ROBO2: variants seen among roughly 807,000 people sequenced by gnomAD.
The protein encoded by ROBO2 is roundabout guidance receptor 2, also known as roundabout homolog 2.
Under a neutral mutation model 160.8 loss-of-function variants are expected in ROBO2, and 53 were observed. The observed-to-expected ratio is 0.33, with a 90% CI of 0.26 to 0.41. The LOEUF is 0.41. Ranked by LOEUF, ROBO2 falls within the 10% of genes least tolerant of loss-of-function variation. The pLI, the probability that ROBO2 is intolerant of heterozygous loss-of-function variation, is 1.00. For synonymous variants in ROBO2, 664 were observed against 611.7 expected (o/e 1.09, Z -1.26); for missense variants, 1,577 against 1,722.4 (o/e 0.92, Z 1.49).
chr3:77,328,695 C>G (rs997017835), intron 2 of ROBO2, among the ~76,000 whole-genome samples: 25 of 151,880 alleles, frequency 1.6e-4, no homozygotes, highest in African/African-American at 5.8e-4. Context: ...TTGCATTGCC[C>G]CTGTTAATGT....
intron 2 of ROBO2, among the ~76,000 whole-genome samples, chr3:76,506,685 C>A (rs1007927349): frequency 6.6e-6 from 1 of 152,054 alleles, no homozygotes; most frequent in Non-Finnish European, 1.5e-5. Flanking sequence ...CAAGATGGTG[C>A]TTATGATATT....
At chr3:77,646,089 G>T (rs199502537) in exon 26 of ROBO2, 1 of 1,570,862 alleles carries the variant, frequency 6.4e-7, no homozygotes, top group African/African-American at 1.4e-5. Context: ...CTGCTCTGAA[G>T]GACCATCAGG....
At chr3:76,835,943 C>A (rs1202325226) in intron 2 of ROBO2, among the ~76,000 whole-genome samples, 1 of 151,966 alleles carries the variant, frequency 6.6e-6, no homozygotes, top group Non-Finnish European at 1.5e-5. Context: ...AATTTGGTAC[C>A]AATGAGACTA....
intron 2 of ROBO2, among the ~76,000 whole-genome samples, chr3:76,938,532 T>TCC (rs371318524): frequency 9.9e-5 from 15 of 151,722 alleles, no homozygotes; most frequent in African/African-American, 2.4e-4. Context: ...TCTCTCTCTC[T>TCC]GAGCTTTTCC....
rs1282620623 is a variant in ROBO2, at chr3:76,448,096, AG to A, written c.109+510495del. Among the ~76,000 whole-genome samples the A allele has an allele frequency of 1.4e-3, 216 of 152,124 alleles. 1 individual carries two copies. Among genetic ancestry groups the A allele is most frequent in the African/African-American group, 4.9e-3 (205 of 41,522 alleles). On this transcript the variant is annotated intron_variant, in intron 2 of 26. Coordinates refer to the ROBO2 transcript ENST00000487694. ...TAAATAAATGAAATAAAACAAAAAA[AG>A]AAAAAACAAACAAACAAAAATATTC... is the stretch of plus-strand genomic sequence containing the variant.
chr3:76,053,664 CAT>C (rs140803026), intron 2 of ROBO2, among the ~76,000 whole-genome samples: 1 of 152,090 alleles, frequency 6.6e-6, no homozygotes, highest in East Asian at 1.9e-4. Flanking sequence ...AATAAAATAT[CAT>C]GTGCTGCTTT....
At chr3:76,150,470 C>T (rs1331639774) in intron 2 of ROBO2, among the ~76,000 whole-genome samples, 2 of 152,158 alleles carry the variant, frequency 1.3e-5, no homozygotes, top group African/African-American at 4.8e-5. Context: ...CTAAAACACA[C>T]ATATGTCTAA....
chr3:76,174,381 G>A (rs1467477127), intron 2 of ROBO2, among the ~76,000 whole-genome samples: 1 of 152,132 alleles, frequency 6.6e-6, no homozygotes, highest in East Asian at 1.9e-4. Context: ...GATCCCATTT[G>A]TCAATTTTGT....
intron 2 of ROBO2, among the ~76,000 whole-genome samples, chr3:76,960,628 C>G (rs1027525421): frequency 6.6e-6 from 1 of 151,962 alleles, no homozygotes; most frequent in African/African-American, 2.4e-5. Flanking sequence ...AACCTCACAC[C>G]AAACTGAAGT....
chr3:76,658,295 T>C (rs1224599437), intron 2 of ROBO2, among the ~76,000 whole-genome samples: 2 of 151,994 alleles, frequency 1.3e-5, no homozygotes. Context: ...TAGTCTTATA[T>C]AAAATATGAT....
chr3:77,313,847 G>C (rs1178845146), intron 2 of ROBO2, among the ~76,000 whole-genome samples: 1 of 152,178 alleles, frequency 6.6e-6, no homozygotes, highest in African/African-American at 2.4e-5. Context: ...GCCTCCCAAA[G>C]TGCTGGGATT....
chr3:77,472,786 A>G (rs533820113), intron 2 of ROBO2, among the ~76,000 whole-genome samples: 2 of 152,180 alleles, frequency 1.3e-5, no homozygotes, highest in South Asian at 2.1e-4. Flanking sequence ...ACTGGGTACA[A>G]TGTACACCTG....
intron 2 of ROBO2, among the ~76,000 whole-genome samples, chr3:76,310,076 C>A (rs1369842120): frequency 6.6e-6 from 1 of 152,000 alleles, no homozygotes; most frequent in Admixed American, 6.6e-5. Context: ...CCTGCCTTGG[C>A]CTCCCAAAGT....
chr3:75,963,276 C>G (rs1474454606), intron 2 of ROBO2, among the ~76,000 whole-genome samples: 1 of 151,738 alleles, frequency 6.6e-6, no homozygotes, highest in Non-Finnish European at 1.5e-5. Flanking sequence ...TAGTCTTGAT[C>G]TCCTGGGCTC....
intron 6 of ROBO2, among the ~76,000 whole-genome samples, chr3:77,536,026 A>T (rs2092074746): frequency 6.6e-6 from 1 of 152,188 alleles, no homozygotes; most frequent in South Asian, 2.1e-4. Flanking sequence ...TGATTATAGG[A>T]TTAGAGTGGA....
intron 2 of ROBO2, among the ~76,000 whole-genome samples, chr3:76,629,216 A>C (rs2089870112): frequency 6.6e-6 from 1 of 152,178 alleles, no homozygotes; most frequent in African/African-American, 2.4e-5. Flanking sequence ...AAATCCACCC[A>C]AAATCCACAC....
At chr3:77,644,638 GAGTTA>G in intron 24 of ROBO2, 61 bp from the exon 27 acceptor site, 1 of 1,377,716 alleles carries the variant, frequency 7.3e-7, no homozygotes, top group Admixed American at 1.7e-5. Flanking sequence ...TTATATTCAA[GAGTTA>G]AGTTTAGTTT....
chr3:76,387,640 T>A (rs2108613465), intron 2 of ROBO2, among the ~76,000 whole-genome samples: 1 of 152,328 alleles, frequency 6.6e-6, no homozygotes, highest in Non-Finnish European at 1.5e-5. Flanking sequence ...TTATTATAAT[T>A]ATTTTTCCCA....
chr3:76,512,634 G>A (rs952063863), intron 2 of ROBO2, among the ~76,000 whole-genome samples: 1 of 152,094 alleles, frequency 6.6e-6, no homozygotes, highest in South Asian at 2.1e-4. Context: ...GGGTGGCAGA[G>A]GCAGTGGTGC....
Sources: allele counts gnomAD v4.1 joint callset (sites outside exome capture counted in the v4.1 genomes callset), GRCh38; gene constraint gnomAD v4.1.1; transcripts MANE v1.5; gene names NCBI Gene and HGNC (gene_info 2026-07-23, HGNC 2026-07-21).